The following UBN2 variants were observed in gnomAD, a reference collection of about 807,000 sequenced individuals.
The protein encoded by UBN2 is ubinuclein 2, also known as ubinuclein-2.
A neutral mutation model predicts 120.2 loss-of-function variants in UBN2; 35 were observed. The ratio of observed to expected loss-of-function variants is 0.29; its 90% CI spans 0.22 to 0.39. The LOEUF is 0.39. Ranked by LOEUF, UBN2 falls within the 10% of genes least tolerant of loss-of-function variation. UBN2 has a pLI of 1.00. For synonymous variants in UBN2, 661 were observed against 648.7 expected, an observed-to-expected ratio of 1.02 and a Z score of -0.29; for missense variants, 1,693 against 1,663.2, an observed-to-expected ratio of 1.02 and a Z score of -0.31.
chr7:139,246,997 G>T (rs1281272076), intron 2 of UBN2, among the ~76,000 whole-genome samples: 2 of 152,018 alleles, frequency 1.3e-5, no homozygotes. Context: ...GTTTTTGGCT[G>T]CCATGAGTCA....
intron 10 of UBN2, among the ~76,000 whole-genome samples, 170 bp from the exon 11 acceptor site, chr7:139,273,761 A>G (rs1354554990): frequency 6.6e-6 from 1 of 152,238 alleles, no homozygotes; most frequent in East Asian, 1.9e-4. Flanking sequence ...TGCTTTGATT[A>G]AAGATATCAA....
chr7:139,259,512 A>T, intron 5 of UBN2, 142 bp downstream of exon 5: 1 of 1,167,824 alleles, frequency 8.6e-7, no homozygotes, highest in Non-Finnish European at 1.2e-6. Context: ...ACTTATGTTT[A>T]ATAGTATTGT....
chr7:139,253,562 A>AT (rs767872539), intron 3 of UBN2, among the ~76,000 whole-genome samples: 1 of 152,216 alleles, frequency 6.6e-6, no homozygotes, highest in Non-Finnish European at 1.5e-5. Context: ...AGGATGGTAC[A>AT]TTGAGTGCCA....
the UBN2 span, among the ~76,000 whole-genome samples, chr7:139,321,044 T>C: frequency 6.6e-6 from 1 of 152,206 alleles, no homozygotes; most frequent in Non-Finnish European, 1.5e-5. Flanking sequence ...GGGTTACTTT[T>C]TATAATGATA....
downstream of UBN2, among the ~76,000 whole-genome samples, chr7:139,310,749 G>C (rs1325374935): frequency 2.0e-5 from 3 of 152,182 alleles, no homozygotes; most frequent in Admixed American, 2.0e-4. Flanking sequence ...CTCCAGCCTG[G>C]GCGACAGAGT....
At chr7:139,259,765 T>G (rs1053525138) in intron 5 of UBN2, among the ~76,000 whole-genome samples, 1 of 152,210 alleles carries the variant, frequency 6.6e-6, no homozygotes, top group Admixed American at 6.5e-5. Flanking sequence ...TTTGATTGAT[T>G]TGAGACAGAG....
At chr7:139,287,813 CCTCTAGAACCTGTCTATAG>C (rs774871207) in intron 15 of UBN2, among the ~76,000 whole-genome samples, 1 of 151,906 alleles carries the variant, frequency 6.6e-6, no homozygotes, top group Non-Finnish European at 1.5e-5. Context: ...TATCTTGTGG[CCTCTAGAACCTGTCTATAG>C]CTCTCCAACA....
chr7:139,295,133 C>T (rs1243351189), intron 17 of UBN2, among the ~76,000 whole-genome samples: 1 of 149,450 alleles, frequency 6.7e-6, no homozygotes, highest in African/African-American at 2.5e-5. Context: ...GACCTTTGAA[C>T]CAGTTTACCA....
At chr7:139,240,081 A>G (rs1796275043) in intron 2 of UBN2, among the ~76,000 whole-genome samples, 1 of 152,198 alleles carries the variant, frequency 6.6e-6, no homozygotes. Context: ...GTTTCAATTG[A>G]CTTAGATATA....
the UBN2 span, among the ~76,000 whole-genome samples, chr7:139,317,965 ACTATTATTGTTTTTAT>A: frequency 2.0e-5 from 3 of 152,010 alleles, no homozygotes; most frequent in African/African-American, 7.2e-5. Flanking sequence ...ACGCAGCCCA[ACTATTATTGTTTTTAT>A]CCACTTTCCT....
At chr7:139,249,894 T>C (rs1315199041) in intron 2 of UBN2, among the ~76,000 whole-genome samples, 3 of 151,686 alleles carry the variant, frequency 2.0e-5, no homozygotes, top group Non-Finnish European at 4.4e-5. Flanking sequence ...TTGAGACAGG[T>C]CTCACTGTGT....
chr7:139,289,676 T>G lies in UBN2; in HGVS notation c.3670-3556T>G, dbSNP rs577412685. On this transcript the variant is annotated intron_variant, in intron 15 of 17. Coordinates refer to ENST00000473989, the MANE Select transcript of UBN2 (RefSeq NM_173569.4). ...ATTCACCCAACTCAGCCTCCCAAAG[T>G]GCTGGGATAATAGGAGTGAACCATC... 3.9e-5 allele frequency among the ~76,000 whole-genome samples: 6 copies of G among 152,160 alleles called. No homozygotes were observed. The East Asian group carries it at 1.2e-3, about 29-fold the overall frequency.
intron 11 of UBN2, among the ~76,000 whole-genome samples, chr7:139,275,241 G>A (rs533910608): frequency 3.4e-4 from 47 of 137,932 alleles, no homozygotes; most frequent in African/African-American, 1.2e-3. Context: ...TTGCACCATT[G>A]CACTCCACCT....
chr7:139,326,294 A>G, the UBN2 span, among the ~76,000 whole-genome samples: 1 of 152,020 alleles, frequency 6.6e-6, no homozygotes, highest in Non-Finnish European at 1.5e-5. Context: ...CAAACAAAAA[A>G]TGGGCATTGC....
rs987325123 is a variant in UBN2 at position 139,300,660 on chromosome 7, T to G, written c.*2824T>G. ...ATGCAAAAATAATCAGCACACATGA[T>G]TATATCCCACTCCTTGGGATTCTTG... is the stretch of plus-strand genomic sequence containing the variant. On this transcript the variant is annotated 3_prime_UTR_variant, in exon 18 of 18. Transcript: ENST00000473989. 2 of 152,220 alleles carry G rather than the reference T, an allele frequency of 1.3e-5. No homozygotes were observed. The highest frequency in any genetic ancestry group is 2.9e-5 in the Non-Finnish European group (2 of 68,038). The allele number at this position is 152,220 out of a possible 1,614,324, so 9.4% of individuals were successfully genotyped here. A position where few individuals can be genotyped will look rare whatever the true frequency, so the allele number is the denominator to read the frequency against.
At chr7:139,309,137 A>G (rs541094511), downstream of UBN2, among the ~76,000 whole-genome samples, 3 of 152,372 alleles carry the variant, frequency 2.0e-5, no homozygotes, top group Admixed American at 6.5e-5. Flanking sequence ...TTGTCAGAGA[A>G]AGTGAATATA....
At chr7:139,311,940 G>A (rs2131103757), downstream of UBN2, among the ~76,000 whole-genome samples, 1 of 152,288 alleles carries the variant, frequency 6.6e-6, no homozygotes, top group South Asian at 2.1e-4. Flanking sequence ...CATTCCAAGG[G>A]CCTGGCTCCG....
intron 5 of UBN2, 107 bp from the exon 6 acceptor site, chr7:139,261,145 C>A (rs957301411): frequency 2.0e-5 from 26 of 1,303,004 alleles, no homozygotes; most frequent in Admixed American, 2.7e-5. Flanking sequence ...AAGAAAACTG[C>A]TCTGTCACCT....
the UBN2 span, among the ~76,000 whole-genome samples, chr7:139,329,882 A>C: frequency 1.3e-5 from 2 of 152,122 alleles, no homozygotes; most frequent in African/African-American, 2.4e-5. Flanking sequence ...GCAGAAAAGC[A>C]TTCTCCCAAC....
Sources: allele counts gnomAD v4.1 joint callset (sites outside exome capture counted in the v4.1 genomes callset), GRCh38; gene constraint gnomAD v4.1.1; transcripts MANE v1.5; gene names NCBI Gene and HGNC (gene_info 2026-07-23, HGNC 2026-07-21).